Variants in BRWD1 observed in about 807,000 individuals in gnomAD.
BRWD1 encodes the protein bromodomain and WD repeat-containing protein 1.
A neutral mutation model predicts 251.2 loss-of-function variants in BRWD1; 82 were observed. The ratio of observed to expected loss-of-function variants is 0.33; its 90% confidence interval spans 0.27 to 0.39. The LOEUF is 0.39. Ranked by LOEUF, BRWD1 falls within the 10% of genes least tolerant of loss-of-function variation. The probability of loss-of-function intolerance (pLI) is 1.00; values close to 1 mark genes in which losing one functional copy is unlikely to be tolerated. For missense variants in BRWD1, 2,233 were observed against 2,711.6 expected, an observed-to-expected ratio of 0.82 and a Z score of 3.92; for synonymous variants, 918 against 902.8, an observed-to-expected ratio of 1.02 and a Z score of -0.30.
rs943488750 is a variant in BRWD1 at position 39,303,418 on chromosome 21, C to G, written c.199-4836G>C. Reference sequence around the variant, plus strand: ...ACTGTAATCTCAGCTACTTGAGAGGCTGAGGCAGGAGAATCGCTTGAGCCC... The same window carrying G: ...ACTGTAATCTCAGCTACTTGAGAGGGTGAGGCAGGAGAATCGCTTGAGCCC... On this transcript the variant is annotated intron_variant, in intron 4 of 40. Coordinates refer to ENST00000342449, the MANE Select transcript of BRWD1 (RefSeq NM_033656.4). 6.7e-5 allele frequency among the ~76,000 whole-genome samples: 10 copies of G among 148,686 alleles called. No individual in the cohort carries two copies. In the South Asian group the frequency reaches 2.1e-3, roughly 32 times the overall value.
At position 39,305,149 on chromosome 21, in the gene BRWD1, G is replaced by A. The variant is rs185558808; in HGVS notation, c.199-6567C>T. Among the ~76,000 whole-genome samples the A allele has an allele frequency of 4.7e-3, 711 of 151,932 alleles. 11 individuals are homozygous for A. The highest frequency in any genetic ancestry group is 0.017 in the African/African-American group (687 of 41,466). On this transcript the variant is annotated intron_variant, in intron 4 of 40. Transcript: ENST00000342449. ...TAATTTTTCTATTTATAGTAGAGAC[G>A]GGTTTCACAAGGTTGATCAGGCTGG...
At chr21:39,312,962 G>A (rs2146818175) in intron 3 of BRWD1, 62 bp from the exon 4 acceptor site, 1 of 486,738 alleles carries the variant, frequency 2.1e-6, no homozygotes, top group Non-Finnish European at 2.8e-6. Flanking sequence ...GCGGGGGGCG[G>A]GGGGCCGGGG....
At chr21:39,228,443 A>G (rs990612102) in intron 27 of BRWD1, 57 bp downstream of exon 27, 3 of 1,199,778 alleles carry the variant, frequency 2.5e-6, no homozygotes, top group South Asian at 2.5e-5. Context: ...AAAAAGGTAG[A>G]CCAATAAAAC....
chr21:39,295,913 A>G lies in BRWD1; in HGVS notation c.449-10T>C, dbSNP rs754951289. 4 of 1,568,852 alleles carry G rather than the reference A, an allele frequency of 2.5e-6. No individual in the cohort carries two copies. Among genetic ancestry groups the G allele is most frequent in the South Asian group, 2.4e-5 (2 of 83,468 alleles). ...CCTCGATGTATCTCCACTAGGAAAT[A>G]AAAACAATGAAAATGGTTAAGGGAG... On this transcript the variant is annotated splice_polypyrimidine_tract_variant and intron_variant, in intron 6 of 40. Coordinates refer to ENST00000342449, the MANE Select transcript of BRWD1 (RefSeq NM_033656.4).
chr21:39,304,054 T>C lies in BRWD1; in HGVS notation c.199-5472A>G, dbSNP rs573756809. ...TACTCAGGAGGCTTAGGCAGGAGAA[T>C]CGCTTGAACCCGGGAGGCGGAGGTT... On this transcript the variant is annotated intron_variant, in intron 4 of 40. Coordinates refer to ENST00000342449, the MANE Select transcript of BRWD1 (RefSeq NM_033656.4). Among the ~76,000 whole-genome samples the C allele has an allele frequency of 1.5e-4, 22 of 147,216 alleles. No individual in the cohort carries two copies. The South Asian group carries it at 4.5e-3, about 30-fold the overall frequency.
Position 39,255,734 on chromosome 21 carries a change from G to A in BRWD1, c.2166C>T (p.Asn722=), listed in dbSNP as rs765738258. ...CTGTAGCAATCTGACTGCGTGGAGC[G>A]TTTTGATGCATCTGACGAACACCTT... The part of the protein sequence containing the change: ...QVEGVRQMHQ[N]APRSQIATER... The change falls in exon 19 of 41, where the codon AAC becomes AAT. Residue 722 remains asparagine (N), a synonymous_variant. Transcript: ENST00000342449. The A allele has an allele frequency of 1.5e-5, 24 of 1,614,048 alleles. No individual in the cohort carries two copies. The highest frequency in any genetic ancestry group is 4.0e-5 in the African/African-American group (3 of 74,922).
At chr21:39,274,620 G>C in intron 12 of BRWD1, 148 bp from the exon 13 acceptor site, 5 of 696,196 alleles carry the variant, frequency 7.2e-6, no homozygotes, top group Admixed American at 5.5e-5. Context: ...AAGGTATTTA[G>C]AGCGTATCTG....
chr21:39,206,392 G>A (rs2032391978), intron 36 of BRWD1, 118 bp from the exon 37 acceptor site: 4 of 726,276 alleles, frequency 5.5e-6, no homozygotes, highest in South Asian at 2.3e-5. Flanking sequence ...GGTAATGGCT[G>A]TCACCCACTT....
chr21:39,270,174 T>C, intron 14 of BRWD1, 109 bp downstream of exon 14: 2 of 1,217,880 alleles, frequency 1.6e-6, no homozygotes, highest in East Asian at 2.8e-5. Flanking sequence ...AATCATTTCA[T>C]AGTTTACATG....
chr21:39,252,772 C>A (rs1006772059), intron 19 of BRWD1, among the ~76,000 whole-genome samples: 3 of 151,842 alleles, frequency 2.0e-5, no homozygotes, highest in Non-Finnish European at 2.9e-5. Flanking sequence ...GTGTTACCTA[C>A]TCTCCTCCTT....
chr21:39,218,709 T>A, intron 29 of BRWD1, 49 bp from the exon 30 acceptor site: 1 of 1,432,858 alleles, frequency 7.0e-7, no homozygotes, highest in Non-Finnish European at 9.3e-7. Flanking sequence ...ACACAAAAAA[T>A]AAATATATAC....
At chr21:39,311,837 T>C (rs541530615) in intron 4 of BRWD1, among the ~76,000 whole-genome samples, 1 of 152,374 alleles carries the variant, frequency 6.6e-6, no homozygotes, top group South Asian at 2.1e-4. Context: ...TGGTCTCTTC[T>C]GTTGTCTAAT....
At chr21:39,245,840 C>T (rs1019336647) in intron 21 of BRWD1, among the ~76,000 whole-genome samples, 22 of 152,052 alleles carry the variant, frequency 1.4e-4, no homozygotes, top group Admixed American at 1.2e-3. Context: ...CCTCAGGAGT[C>T]ATCTGCCCAC....
In BRWD1 at chr21:39,278,888, T is replaced by C. The variant is rs1001210852; in HGVS notation, c.933-75A>G. On this transcript the variant is annotated intron_variant, in intron 9 of 40. Coordinates refer to ENST00000342449, the MANE Select transcript of BRWD1 (RefSeq NM_033656.4). ...ACACAGCTTAAAATATTAGTTTTAA[T>C]CTAGCATATTTAAATATTATAATTT... is the stretch of plus-strand genomic sequence containing the variant. 5.4e-6 allele frequency: 6 copies of C among 1,113,808 alleles called. No individual in the cohort carries two copies. In the Middle Eastern group the frequency reaches 8.4e-4, roughly 157 times the overall value. The allele number at this position is 1,113,808 out of a possible 1,614,324, so 69.0% of individuals were successfully genotyped here. A position where few individuals can be genotyped will look rare whatever the true frequency, so the allele number is the denominator to read the frequency against.
chr21:39,212,745 C>G (rs759703048), intron 33 of BRWD1, 38 bp from the exon 34 acceptor site: 1 of 1,381,880 alleles, frequency 7.2e-7, no homozygotes, highest in Non-Finnish European at 1.0e-6. Context: ...TATTTAGAGT[C>G]TCATTAGAAA....
intron 17 of BRWD1, among the ~76,000 whole-genome samples, chr21:39,262,171 A>G (rs73359528): frequency 0.023 from 3,539 of 152,352 alleles, 139 homozygotes; most frequent in African/African-American, 0.081. Flanking sequence ...ACATAAAGTA[A>G]AAACTGAGTA....
intron 17 of BRWD1, among the ~76,000 whole-genome samples, chr21:39,259,137 A>C (rs187778256): frequency 5.3e-5 from 8 of 152,296 alleles, no homozygotes; most frequent in Admixed American, 1.3e-4. Context: ...GACCTTTTTT[A>C]AGCCTTCAAC....
intron 23 of BRWD1, among the ~76,000 whole-genome samples, chr21:39,235,118 G>A (rs923019405): frequency 3.9e-5 from 6 of 152,048 alleles, no homozygotes; most frequent in Non-Finnish European, 7.4e-5. Flanking sequence ...GCGTGGTTGC[G>A]TGGGCCTGTA....
At chr21:39,274,247 G>C (rs962321076) in intron 13 of BRWD1, 127 bp downstream of exon 13, 3 of 701,648 alleles carry the variant, frequency 4.3e-6, no homozygotes, top group Non-Finnish European at 7.4e-6. Context: ...ACAGCTCTTC[G>C]TAATAGAAGG....
Sources: gnomAD v4.1 joint callset for allele counts (sites outside exome capture counted in the v4.1 genomes callset) on GRCh38, gnomAD v4.1.1 for gene constraint, MANE v1.5 for transcripts, NCBI Gene and HGNC (gene_info 2026-07-23, HGNC 2026-07-21) for gene names.